MAST4: variants seen among roughly 807,000 people sequenced by gnomAD.
MAST4 encodes the protein microtubule associated serine/threonine kinase family member 4, also known as microtubule-associated serine/threonine-protein kinase 4.
In MAST4, 89 loss-of-function variants were observed where a neutral mutation model predicts 162.7. That is an observed-to-expected ratio of 0.55 (90% CI 0.46 to 0.65). MAST4 has a LOEUF of 0.65. Ranked by LOEUF, MAST4 falls within the 30% of genes least tolerant of loss-of-function variation. The probability of loss-of-function intolerance (pLI) is 0.00; values close to 1 mark genes in which losing one functional copy is unlikely to be tolerated. For missense variants in MAST4, 3,153 were observed against 3,374.0 expected, an observed-to-expected ratio of 0.93 and a Z score of 1.62; for synonymous variants, 1,479 against 1,361.1, an observed-to-expected ratio of 1.09 and a Z score of -1.91.
intron 1 of MAST4, among the ~76,000 whole-genome samples, chr5:66,696,882 G>A (rs377468656): frequency 1.3e-5 from 2 of 152,262 alleles, no homozygotes; most frequent in East Asian, 3.9e-4. Context: ...GTAAATAATG[G>A]CACTTTCACT....
chr5:67,039,485 G>A (rs1434358404), intron 4 of MAST4, among the ~76,000 whole-genome samples: 1 of 152,188 alleles, frequency 6.6e-6, no homozygotes, highest in Non-Finnish European at 1.5e-5. Flanking sequence ...TGGGTGTCTG[G>A]TGAATATGGT....
intron 8 of MAST4, 139 bp downstream of exon 8, chr5:67,100,731 G>A (rs1475235807): frequency 9.6e-7 from 1 of 1,047,062 alleles, no homozygotes; most frequent in South Asian, 1.6e-5. Flanking sequence ...ATGTTTCCAT[G>A]TACACATAAT....
At chr5:67,069,761 C>G (rs1247962559) in intron 5 of MAST4, among the ~76,000 whole-genome samples, 1 of 152,136 alleles carries the variant, frequency 6.6e-6, no homozygotes, top group Admixed American at 6.5e-5. Context: ...TCCGCTGGAA[C>G]AATTAGGCCT....
chr5:66,958,159 GAGAA>G (rs1379009364), intron 4 of MAST4, among the ~76,000 whole-genome samples: 2 of 152,122 alleles, frequency 1.3e-5, no homozygotes, highest in African/African-American at 4.8e-5. Context: ...AAGAGAGAGA[GAGAA>G]AGAGAGAGAA....
chr5:66,732,705 G>C (rs1215003310), intron 1 of MAST4, among the ~76,000 whole-genome samples: 1 of 152,232 alleles, frequency 6.6e-6, no homozygotes, highest in Non-Finnish European at 1.5e-5. Flanking sequence ...ATCTGGATGT[G>C]TTGGGGATTG....
At chr5:66,952,655 A>G (rs190287431) in intron 4 of MAST4, among the ~76,000 whole-genome samples, 1 of 152,098 alleles carries the variant, frequency 6.6e-6, no homozygotes, top group Non-Finnish European at 1.5e-5. Context: ...CTCACTAAAG[A>G]TTTGTTCAAT....
At chr5:66,779,732 A>G (rs1044546197) in intron 2 of MAST4, among the ~76,000 whole-genome samples, 3 of 152,178 alleles carry the variant, frequency 2.0e-5, no homozygotes, top group Non-Finnish European at 4.4e-5. Flanking sequence ...GGAGTGAGCA[A>G]TGGGGCAGAG....
chr5:66,721,681 T>G (rs1290363940), intron 1 of MAST4, among the ~76,000 whole-genome samples: 1 of 150,592 alleles, frequency 6.6e-6, no homozygotes. Context: ...CTCTGAGATC[T>G]CTCACGAACT....
At chr5:66,662,522 C>T (rs1746979085) in intron 1 of MAST4, 1 of 152,092 alleles carries the variant, frequency 6.6e-6, no homozygotes, top group Non-Finnish European at 1.5e-5. Flanking sequence ...TCTGTAGACA[C>T]TTCGTAATAT....
intron 3 of MAST4, among the ~76,000 whole-genome samples, chr5:66,802,719 C>A (rs1361026437): frequency 6.6e-6 from 1 of 151,996 alleles, no homozygotes; most frequent in Admixed American, 6.6e-5. Flanking sequence ...TAAATCACCC[C>A]AACACTTTCA....
At chr5:67,014,649 A>G (rs1242422964) in intron 4 of MAST4, among the ~76,000 whole-genome samples, 1 of 152,212 alleles carries the variant, frequency 6.6e-6, no homozygotes, top group Non-Finnish European at 1.5e-5. Context: ...AGGATTTTTA[A>G]AGTGAAAAAT....
intron 6 of MAST4, among the ~76,000 whole-genome samples, chr5:67,094,003 C>A (rs1039974252): frequency 6.6e-6 from 1 of 152,086 alleles, no homozygotes; most frequent in Non-Finnish European, 1.5e-5. Context: ...CAATTACTTT[C>A]TTCTTAAATC....
At chr5:66,801,511 C>A (rs1034947596) in intron 3 of MAST4, among the ~76,000 whole-genome samples, 1 of 152,192 alleles carries the variant, frequency 6.6e-6, no homozygotes, top group Admixed American at 6.5e-5. Context: ...GTTTTCTAAA[C>A]CCCAGTTGAT....
chr5:66,623,492 T>A (rs912466041), intron 1 of MAST4, among the ~76,000 whole-genome samples: 7 of 152,216 alleles, frequency 4.6e-5, no homozygotes, highest in Admixed American at 3.3e-4. Context: ...TCAATGTACA[T>A]ACAATATGAT....
intron 1 of MAST4, among the ~76,000 whole-genome samples, chr5:66,682,152 A>G (rs1748370442): frequency 6.6e-6 from 1 of 152,094 alleles, no homozygotes; most frequent in South Asian, 2.1e-4. Context: ...GAAGTTTCAC[A>G]TAGAAGTTAT....
chr5:66,667,971 A>G lies in MAST4; in HGVS notation c.363+70953A>G, dbSNP rs1747368375. Among the ~76,000 whole-genome samples, 3 of 152,174 alleles carry G rather than the reference A, an allele frequency of 2.0e-5. No individual in the cohort carries two copies. In the South Asian group the frequency reaches 6.2e-4, roughly 32 times the overall value. On this transcript the variant is annotated intron_variant, in intron 1 of 28. Coordinates refer to ENST00000403625, the MANE Select transcript of MAST4 (RefSeq NM_001164664.2). ...TGAAGTTTGCCTTATTTATTGAATCATTTCCTATTCACTATATGGTAAGGA... is the reference window on the plus strand; with the variant it reads ...TGAAGTTTGCCTTATTTATTGAATCGTTTCCTATTCACTATATGGTAAGGA...
intron 5 of MAST4, among the ~76,000 whole-genome samples, chr5:67,078,814 ATTT>A (rs1362864651): frequency 1.9e-5 from 2 of 104,102 alleles, no homozygotes; most frequent in Non-Finnish European, 3.6e-5. Flanking sequence ...TTATATTTAT[ATTT>A]TTATATTTAT....
chr5:66,603,415 C>T, intron 1 of MAST4, among the ~76,000 whole-genome samples: 1 of 152,162 alleles, frequency 6.6e-6, no homozygotes, highest in East Asian at 1.9e-4. Context: ...TCAGCCATGT[C>T]CTGGGGCTAG....
intron 3 of MAST4, among the ~76,000 whole-genome samples, chr5:66,827,547 G>C (rs1757329375): frequency 6.6e-6 from 1 of 152,168 alleles, no homozygotes; most frequent in African/African-American, 2.4e-5. Context: ...TTAGTGTGTT[G>C]ACAGACAGAA....
Sources: allele counts gnomAD v4.1 joint callset (sites outside exome capture counted in the v4.1 genomes callset), GRCh38; gene constraint gnomAD v4.1.1; transcripts MANE v1.5; gene names NCBI Gene and HGNC (gene_info 2026-07-23, HGNC 2026-07-21).